KDM3B: variants seen among roughly 807,000 people sequenced by gnomAD.
The protein encoded by KDM3B is lysine demethylase 3B.
KDM3B carries 10 observed loss-of-function variants against 170.0 expected under a neutral mutation model. That is an observed-to-expected ratio of 0.06 (90% CI 0.04 to 0.10). The LOEUF is 0.10. Ranked by LOEUF, KDM3B falls within the 10% of genes least tolerant of loss-of-function variation. KDM3B has a pLI of 1.00. For synonymous variants in KDM3B, 831 were observed against 834.8 expected, an observed-to-expected ratio of 1.00 and a Z score of 0.08; for missense variants, 1,394 against 2,195.2, an observed-to-expected ratio of 0.64 and a Z score of 7.29.
At chr5:138,387,877 C>T (rs568802080) in intron 7 of KDM3B, among the ~76,000 whole-genome samples, 2 of 152,088 alleles carry the variant, frequency 1.3e-5, no homozygotes, top group Non-Finnish European at 2.9e-5. Flanking sequence ...GTCAGGAGAT[C>T]AAGACCATCC....
chr5:138,391,632 C>A lies in KDM3B; in HGVS notation c.2000C>A (p.Thr667Asn), dbSNP rs769917372. 3.2e-5 allele frequency: 51 copies of A among 1,614,048 alleles called. No homozygotes were observed. The highest frequency in any genetic ancestry group is 4.2e-5 in the Non-Finnish European group (49 of 1,180,046). ...SGSSSSATTV[T>N]SKVAPSWPES... ...AGCTCCTCTTCTGCTACCACTGTCA[C>A]CTCCAAGGTGGCACCCAGCTGGCCC... Residue 667 changes from threonine (T) to asparagine (N), a missense_variant, in exon 8 of 24, where the codon ACC becomes AAC. Thr to Asn is a moderately conservative substitution (Grantham distance 65, BLOSUM62 0). Around this residue, in one of 19 missense-constraint regions of KDM3B, gnomAD observed 294 missense variants for 311.7 expected, o/e 0.94. Coordinates refer to ENST00000314358, the MANE Select transcript of KDM3B (RefSeq NM_016604.4). This position sits in a 1 kb window ranked among gnomAD's most constrained non-coding sequence, Gnocchi z 5.0.
At chr5:138,359,119 G>A (rs1436478375) in intron 1 of KDM3B, among the ~76,000 whole-genome samples, 6 of 151,780 alleles carry the variant, frequency 4.0e-5, no homozygotes, top group African/African-American at 4.8e-5. Context: ...CAAAGGACAT[G>A]AACTCATCAT....
intron 11 of KDM3B, among the ~76,000 whole-genome samples, chr5:138,403,830 CAAAA>C (rs370451547): frequency 1.6e-5 from 2 of 125,050 alleles, no homozygotes; most frequent in Non-Finnish European, 1.7e-5. Context: ...CCATCTCAAC[CAAAA>C]AAAAAAAAAA....
chr5:138,376,442 C>T (rs1366339448), intron 3 of KDM3B, among the ~76,000 whole-genome samples: 5 of 151,882 alleles, frequency 3.3e-5, no homozygotes, highest in Non-Finnish European at 5.9e-5. Flanking sequence ...CGGTGGCTCA[C>T]GCCTGTAATC....
chr5:138,396,987 A>G (rs977119070), intron 9 of KDM3B, among the ~76,000 whole-genome samples: 12 of 152,144 alleles, frequency 7.9e-5, no homozygotes, highest in African/African-American at 2.7e-4. Flanking sequence ...GGTGTTTGAA[A>G]TTGGCCTGGG....
intron 7 of KDM3B, among the ~76,000 whole-genome samples, chr5:138,390,582 TAAC>T (rs1386098320): frequency 6.6e-6 from 1 of 152,192 alleles, no homozygotes; most frequent in Non-Finnish European, 1.5e-5. Flanking sequence ...ATCAAAACTT[TAAC>T]AATAGCTCCC....
Position 138,420,817 on chromosome 5 carries a change from G to A in KDM3B, c.3827G>A (p.Ser1276Asn). 1.2e-6 allele frequency: 2 copies of A among 1,614,136 alleles called. No homozygotes were observed. Among genetic ancestry groups the A allele is most frequent in the Non-Finnish European group, 1.7e-6 (2 of 1,180,038 alleles). ...CCGCTGACTCCAAAGCTTTTTAACA[G>A]TCTGTTGCTGGGTCCCACTGCCTCC... ...VSPLTPKLFN[S>N]LLLGPTASNN... Residue 1276 changes from serine (S) to asparagine (N), a missense_variant, in exon 15 of 24, where the codon AGT (serine) becomes AAT (asparagine). Around this residue, in one of 19 missense-constraint regions of KDM3B, gnomAD observed 137 missense variants for 166.9 expected, o/e 0.82. Transcript: ENST00000314358.
intron 11 of KDM3B, among the ~76,000 whole-genome samples, chr5:138,412,488 CA>C (rs1378974569): frequency 6.6e-6 from 1 of 151,622 alleles, no homozygotes; most frequent in African/African-American, 2.4e-5. Context: ...CTCATCTCTA[CA>C]AAAAAAATTT....
In KDM3B at chr5:138,396,721, T is replaced by C. The variant is rs1580915991; in HGVS notation, c.2832-1457T>C. Among the ~76,000 whole-genome samples, 3 of 152,096 alleles carry C rather than the reference T, an allele frequency of 2.0e-5. No individual in the cohort carries two copies. The South Asian group carries it at 6.2e-4, about 32-fold the overall frequency. Reference sequence around the variant, plus strand: ...CTTGTGGAGGTTGTTTTCTGGCTCCTCTTTTCTCAGTGGAATAGAAAACAA... The same window carrying C: ...CTTGTGGAGGTTGTTTTCTGGCTCCCCTTTTCTCAGTGGAATAGAAAACAA... On this transcript the variant is annotated intron_variant, in intron 9 of 23. Transcript: ENST00000314358.
chr5:138,382,748 G>T (rs551229074), intron 6 of KDM3B, among the ~76,000 whole-genome samples: 2 of 151,866 alleles, frequency 1.3e-5, no homozygotes. Flanking sequence ...CTCCCAAAGT[G>T]CTGGGATGAC....
chr5:138,380,770 A>G (rs1056489798), intron 5 of KDM3B, among the ~76,000 whole-genome samples: 2 of 151,950 alleles, frequency 1.3e-5, no homozygotes, highest in East Asian at 1.9e-4. Flanking sequence ...ACAGAGTCTC[A>G]CTGTGTTGCC....
At position 138,382,013 on chromosome 5, in the gene KDM3B, TC is replaced by T. The variant is rs1762137711; in HGVS notation, c.780+424del. Among the ~76,000 whole-genome samples the T allele has an allele frequency of 2.0e-5, 3 of 152,150 alleles. No individual in the cohort carries two copies. In the South Asian group the frequency reaches 6.2e-4, roughly 32 times the overall value. On this transcript the variant is annotated intron_variant, in intron 6 of 23. Transcript: ENST00000314358. ...AGTGAGCTCCAACGGAGTCTGAAAT[TC>T]TGTATTCCCAAGTAGAATCAATTCA...
chr5:138,389,657 C>G (rs941595988), intron 7 of KDM3B, among the ~76,000 whole-genome samples: 1 of 152,020 alleles, frequency 6.6e-6, no homozygotes. Context: ...GTATATCATC[C>G]TCTACTACTT....
At chr5:138,408,762 C>T (rs1762888826) in intron 11 of KDM3B, among the ~76,000 whole-genome samples, 2 of 152,138 alleles carry the variant, frequency 1.3e-5, no homozygotes, top group South Asian at 4.1e-4. Context: ...GTGCAGTCCA[C>T]TATATTAGTA....
intron 4 of KDM3B, 38 bp downstream of exon 4, chr5:138,377,863 C>A: frequency 1.4e-6 from 2 of 1,427,410 alleles, no homozygotes; most frequent in South Asian, 2.3e-5. Flanking sequence ...AACTCTGATT[C>A]AGGTGAATGA....
chr5:138,362,553 C>T (rs943723579), intron 1 of KDM3B, among the ~76,000 whole-genome samples: 1 of 114,698 alleles, frequency 8.7e-6, no homozygotes, highest in Admixed American at 9.9e-5. Context: ...TATGTGTATA[C>T]ACACACACAC....
At chr5:138,423,381 A>G (rs1446952954) in intron 15 of KDM3B, among the ~76,000 whole-genome samples, 2 of 152,216 alleles carry the variant, frequency 1.3e-5, no homozygotes, top group African/African-American at 4.8e-5. Context: ...TTATAGAGAT[A>G]GGGATTAGTA....
Position 138,420,784 on chromosome 5 carries a change from A to T in KDM3B, c.3794A>T (p.Lys1265Met). The T allele has an allele frequency of 6.2e-7, 1 of 1,614,148 alleles. No individual in the cohort carries two copies. The highest frequency in any genetic ancestry group is 8.5e-7 in the Non-Finnish European group (1 of 1,180,034). The change falls in exon 15 of 24, where the codon AAG becomes ATG. Residue 1265 changes from lysine to methionine, a missense_variant. Transcript: ENST00000314358. The stretch of plus-strand genomic sequence containing the variant: ...CTGGACTCGTTCAACTCCACTGCAA[A>T]GGTCTCTCCGCTGACTCCAAAGCTT... ...FGLDSFNSTAKVSPLTPKLFN... is the reference protein window; with the variant it reads ...FGLDSFNSTAMVSPLTPKLFN...
At chr5:138,401,373 T>A (rs961047693) in intron 11 of KDM3B, among the ~76,000 whole-genome samples, 2 of 152,248 alleles carry the variant, frequency 1.3e-5, no homozygotes, top group Non-Finnish European at 2.9e-5. Context: ...GCTTTACACT[T>A]TGTTATGCCT....
Sources: allele counts gnomAD v4.1 joint callset (sites outside exome capture counted in the v4.1 genomes callset), GRCh38; gene constraint gnomAD v4.1.1; regional missense constraint gnomAD v4.1.1; non-coding constraint Gnocchi (gnomAD v3.1); transcripts MANE v1.5; gene names NCBI Gene and HGNC (gene_info 2026-07-23, HGNC 2026-07-21).